Variants in TTC6 observed in about 807,000 individuals in gnomAD.
The protein encoded by TTC6 is tetratricopeptide repeat protein 6.
A neutral mutation model predicts 210.4 loss-of-function variants in TTC6; 172 were observed. The observed-to-expected ratio is 0.82, with a 90% CI of 0.72 to 0.93. TTC6 has a LOEUF of 0.93. Among genes scored for constraint, TTC6 ranks in the 40% least tolerant of loss-of-function variants. TTC6 has a pLI of 0.00. For synonymous variants in TTC6, 804 were observed against 819.6 expected, an observed-to-expected ratio of 0.98 and a Z score of 0.32; for missense variants, 2,414 against 2,318.1, an observed-to-expected ratio of 1.04 and a Z score of -0.85.
chr14:37,665,772 A>G (rs2095746741), intron 1 of TTC6, among the ~76,000 whole-genome samples: 1 of 150,432 alleles, frequency 6.6e-6, no homozygotes, highest in African/African-American at 2.4e-5. Flanking sequence ...CTTGTGATGA[A>G]CTGTCTGCTT....
chr14:37,777,388 C>A (rs1327882914), intron 14 of TTC6, among the ~76,000 whole-genome samples: 1 of 152,102 alleles, frequency 6.6e-6, no homozygotes, highest in Non-Finnish European at 1.5e-5. Flanking sequence ...TTGGTCTGTT[C>A]TGCTGTTAAT....
intron 1 of TTC6, among the ~76,000 whole-genome samples, chr14:37,671,682 C>T (rs953459998): frequency 6.6e-6 from 1 of 152,012 alleles, no homozygotes; most frequent in African/African-American, 2.4e-5. Context: ...ATGTTTCCAT[C>T]CTTCCTCAGT....
At chr14:37,775,155 T>C (rs117345014) in intron 14 of TTC6, among the ~76,000 whole-genome samples, 2 of 152,314 alleles carry the variant, frequency 1.3e-5, no homozygotes, top group East Asian at 3.9e-4. Context: ...GGTCTATCTA[T>C]CTTATTAATT....
intron 25 of TTC6, among the ~76,000 whole-genome samples, chr14:37,813,425 G>T (rs1161361472): frequency 6.6e-6 from 1 of 152,188 alleles, no homozygotes; most frequent in Non-Finnish European, 1.5e-5. Flanking sequence ...GAGTGAGATA[G>T]TGGAGGTGGG....
chr14:37,677,800 A>T (rs2095773655), intron 1 of TTC6, among the ~76,000 whole-genome samples: 1 of 151,994 alleles, frequency 6.6e-6, no homozygotes, highest in Admixed American at 6.6e-5. Flanking sequence ...TTCTTCTGCA[A>T]TGTCTTTCTC....
At chr14:37,792,045 C>T (rs561740238) in intron 16 of TTC6, among the ~76,000 whole-genome samples, 76 of 152,192 alleles carry the variant, frequency 5.0e-4, no homozygotes, top group African/African-American at 1.7e-3. Flanking sequence ...CTGTTCCTAG[C>T]GCAGACCTTA....
At chr14:37,701,498 C>A in exon 5 of TTC6, 1 of 1,507,566 alleles carries the variant, frequency 6.6e-7, no homozygotes, top group Non-Finnish European at 8.8e-7. Flanking sequence ...CTTAGATGAT[C>A]GCTTTACAGA....
intron 1 of TTC6, among the ~76,000 whole-genome samples, chr14:37,630,907 G>GT (rs746429138): frequency 3.0e-5 from 1 of 33,068 alleles, no homozygotes; most frequent in Non-Finnish European, 5.1e-5. Context: ...GGCAACCCCT[G>GT]TTTTTTTTTT....
chr14:37,795,763 A>T (rs1478493245), intron 18 of TTC6, among the ~76,000 whole-genome samples: 2 of 152,270 alleles, frequency 1.3e-5, no homozygotes, highest in East Asian at 1.9e-4. Flanking sequence ...ACTGAATTGT[A>T]TACCATTTCT....
intron 24 of TTC6, among the ~76,000 whole-genome samples, chr14:37,810,653 C>T (rs2139430805): frequency 6.6e-6 from 1 of 152,164 alleles, no homozygotes; most frequent in East Asian, 1.9e-4. Context: ...GACTGGATGT[C>T]ATTAAGCAGT....
intron 4 of TTC6, 143 bp from the exon 7 acceptor site, chr14:37,701,189 T>C: frequency 1.9e-6 from 1 of 536,562 alleles, no homozygotes; most frequent in South Asian, 5.6e-5. Context: ...AAATTTGTTA[T>C]ATACCATTAT....
At chr14:37,667,444 T>G (rs1377560833) in intron 1 of TTC6, among the ~76,000 whole-genome samples, 1 of 150,348 alleles carries the variant, frequency 6.7e-6, no homozygotes, top group African/African-American at 2.4e-5. Context: ...TATGGGGCTC[T>G]GCTCATCAAG....
In TTC6 at chr14:37,737,707, G is replaced by A. The variant is rs1464524650; in HGVS notation, c.1956G>A (p.Trp652Ter). 7.2e-6 allele frequency: 11 copies of A among 1,524,390 alleles called. No individual in the cohort carries two copies. Among genetic ancestry groups the A allele is most frequent in the African/African-American group, 1.4e-5 (1 of 72,694 alleles). The allele number at this position is 1,524,390 out of a possible 1,614,324, so 94.4% of individuals were successfully genotyped here. The change falls in exon 9 of 31, where the codon TGG (tryptophan) becomes TGA (stop). Residue 652 changes from tryptophan to a stop codon, truncating the protein, a stop_gained. Transcript: ENST00000553443. LOFTEE classifies it high-confidence loss of function. ...CATCATTTGAAAGTATCCAAAAATGGTTTAGTGCACAACCTACACAACTAA... is the reference window on the plus strand; with the variant it reads ...CATCATTTGAAAGTATCCAAAAATGATTTAGTGCACAACCTACACAACTAA...
chr14:37,784,831 T>C (rs980089900), intron 14 of TTC6, among the ~76,000 whole-genome samples: 1 of 152,192 alleles, frequency 6.6e-6, no homozygotes, highest in African/African-American at 2.4e-5. Context: ...TGACAAAATC[T>C]CTCAGCATTT....
chr14:37,768,689 A>C (rs1296497265), intron 14 of TTC6, among the ~76,000 whole-genome samples: 2 of 151,872 alleles, frequency 1.3e-5, no homozygotes, highest in African/African-American at 4.8e-5. Context: ...TATCAGCTTA[A>C]GGAGATTTTG....
chr14:37,675,929 A>G (rs540571896), intron 1 of TTC6, among the ~76,000 whole-genome samples: 25 of 151,964 alleles, frequency 1.6e-4, no homozygotes, highest in Middle Eastern at 3.4e-3. Flanking sequence ...ATAGAAATGA[A>G]AATTTGTTGT....
rs769897218 is a variant in TTC6, at chr14:37,739,091, T to C, written c.2299T>C (p.Leu767=). The stretch of plus-strand genomic sequence containing the variant: ...AAAGAAGATGAGATGGAAGAAAAGA[T>C]TGAAACAACAAAAACTTATATTCGT... The change falls in exon 10 of 31, where the codon TTG becomes CTG. Residue 767 remains leucine (L), a synonymous_variant. Transcript: ENST00000553443. 67 of 1,529,768 alleles carry C rather than the reference T, an allele frequency of 4.4e-5. No individual in the cohort carries two copies. In the African/African-American group the frequency reaches 5.9e-4, roughly 14 times the overall value. The allele number at this position is 1,529,768 out of a possible 1,614,324, so 94.8% of individuals were successfully genotyped here. A position where few individuals can be genotyped will look rare whatever the true frequency, so the allele number is the denominator to read the frequency against.
intron 1 of TTC6, among the ~76,000 whole-genome samples, chr14:37,663,871 A>G (rs2095742473): frequency 6.6e-6 from 1 of 152,180 alleles, no homozygotes; most frequent in South Asian, 2.1e-4. Flanking sequence ...AGGCAAGCAG[A>G]GAGCCAAATA....
intron 25 of TTC6, among the ~76,000 whole-genome samples, chr14:37,816,654 C>T (rs1407307597): frequency 1.3e-5 from 2 of 152,088 alleles, no homozygotes; most frequent in African/African-American, 4.8e-5. Flanking sequence ...AGAAGCCCTT[C>T]CTATATTATA....
Sources: allele counts gnomAD v4.1 joint callset (sites outside exome capture counted in the v4.1 genomes callset), GRCh38; gene constraint gnomAD v4.1.1; transcripts MANE v1.5; gene names NCBI Gene and HGNC (gene_info 2026-07-23, HGNC 2026-07-21).